The following CNTNAP4 variants were observed in gnomAD, a reference collection of about 807,000 sequenced individuals.
The protein encoded by CNTNAP4 is contactin-associated protein-like 4.
In CNTNAP4, 98 loss-of-function variants were observed where a neutral mutation model predicts 148.4. The observed-to-expected ratio is 0.66, with a 90% CI of 0.56 to 0.78. CNTNAP4 has a LOEUF of 0.78. Ranked by LOEUF, CNTNAP4 falls within the 30% of genes least tolerant of loss-of-function variation. The pLI is 0.00. For synonymous variants in CNTNAP4, 730 were observed against 565.1 expected, an observed-to-expected ratio of 1.29 and a Z score of -4.14; for missense variants, 1,935 against 1,565.6, an observed-to-expected ratio of 1.24 and a Z score of -3.98.
rs2082906464 is a variant in CNTNAP4 at position 76,508,553 on chromosome 16, T to G, written c.2365+9859T>G. On this transcript the variant is annotated intron_variant, in intron 15 of 23. Transcript: ENST00000611870. The stretch of plus-strand genomic sequence containing the variant: ...CTTTTTTTTTTTGTTCACTTTTTTA[T>G]TACCAACCAATAATTTATATGCAAG... Among the ~76,000 whole-genome samples the G allele has an allele frequency of 2.1e-5, 2 of 94,246 alleles. 1 individual carries two copies. The highest frequency in any genetic ancestry group is 5.2e-5 in the African/African-American group (2 of 38,282). The allele number at this position is 94,246 out of a possible 152,430, so 61.8% of individuals were successfully genotyped here.
At chr16:76,518,411 A>G (rs2083332402) in intron 15 of CNTNAP4, among the ~76,000 whole-genome samples, 1 of 152,204 alleles carries the variant, frequency 6.6e-6, no homozygotes, top group Non-Finnish European at 1.5e-5. Flanking sequence ...TACAGGCATG[A>G]GCCACCGTGC....
intron 15 of CNTNAP4, among the ~76,000 whole-genome samples, chr16:76,511,764 C>A (rs1300746803): frequency 1.3e-5 from 2 of 151,498 alleles, no homozygotes; most frequent in African/African-American, 4.9e-5. Context: ...CCTCTTTCCA[C>A]TTGTGGGAAA....
intron 12 of CNTNAP4, among the ~76,000 whole-genome samples, chr16:76,485,773 G>T (rs1463019353): frequency 1.3e-5 from 2 of 152,162 alleles, no homozygotes; most frequent in Non-Finnish European, 2.9e-5. Flanking sequence ...TTACTTTAGA[G>T]ATTTCAATAA....
At chr16:76,373,202 AATATATTCCACATAAATAGGTG>A (rs2015038953) in intron 3 of CNTNAP4, among the ~76,000 whole-genome samples, 1 of 151,636 alleles carries the variant, frequency 6.6e-6, no homozygotes, top group Admixed American at 6.6e-5. Context: ...TAAATAGGTG[AATATATTCCACATAAATAGGTG>A]AATATATTCC....
At chr16:76,544,024 T>A (rs1359782383) in intron 21 of CNTNAP4, among the ~76,000 whole-genome samples, 1 of 152,218 alleles carries the variant, frequency 6.6e-6, no homozygotes, top group African/African-American at 2.4e-5. Flanking sequence ...ACAGAGCTTA[T>A]GGCAGTGGGG....
At chr16:76,537,455 TGA>T (rs72348904) in intron 18 of CNTNAP4, among the ~76,000 whole-genome samples, 93,471 of 150,442 alleles carry the variant, frequency 0.62, 29,455 homozygotes, top group Middle Eastern at 0.77. Flanking sequence ...TGTGTGTGTG[TGA>T]GAGAGAGAGA....
At chr16:76,435,099 C>CAGTAGGGT (rs1349747273) in intron 4 of CNTNAP4, among the ~76,000 whole-genome samples, 3 of 152,108 alleles carry the variant, frequency 2.0e-5, no homozygotes, top group Admixed American at 6.6e-5. Flanking sequence ...CATACATTGT[C>CAGTAGGGT]AGTAGGGTAG....
Position 76,539,581 on chromosome 16 carries a change from T to C in CNTNAP4, c.3221-138T>C, listed in dbSNP as rs190250524. ...TGCAATTTCACTTGGAAACTGACTCTTGGGGATTATAAAAAGGTATCTTCC... is the reference window on the plus strand; with the variant it reads ...TGCAATTTCACTTGGAAACTGACTCCTGGGGATTATAAAAAGGTATCTTCC... On this transcript the variant is annotated intron_variant, in intron 19 of 23. Transcript: ENST00000611870. The C allele has an allele frequency of 7.1e-4, 492 of 697,764 alleles. 2 individuals are homozygous for C. Among genetic ancestry groups the C allele is most frequent in the Non-Finnish European group, 1.1e-3 (449 of 422,428 alleles). 43.2% of individuals were successfully genotyped at this position (697,764 alleles called of 1,614,324 possible).
chr16:76,301,684 G>GT (rs1959985767), intron 1 of CNTNAP4, among the ~76,000 whole-genome samples: 1 of 152,098 alleles, frequency 6.6e-6, no homozygotes, highest in South Asian at 2.1e-4. Flanking sequence ...TGTGACAAAG[G>GT]TTTTGCAAAA....
chr16:76,451,990 G>A (rs1034988215), intron 7 of CNTNAP4, among the ~76,000 whole-genome samples: 8 of 151,560 alleles, frequency 5.3e-5, no homozygotes, highest in African/African-American at 1.7e-4. Context: ...AATATCACAT[G>A]TGCCTCATAA....
chr16:76,553,472 C>T lies in CNTNAP4; in HGVS notation c.3632C>T (p.Thr1211Ile). ...ATGGCCCAGCCTGGCACTGATGCCA[C>T]ATCAAGGGAAAGGACACACTCGTTT... ...SCMAQPGTDA[T>I]SRERTHSFAD... is the part of the protein sequence containing the mutation. Residue 1211 changes from threonine (T) to isoleucine (I), a missense_variant, in exon 22 of 24, where the codon ACA (threonine) becomes ATA (isoleucine). Thr to Ile is a moderately conservative substitution (Grantham distance 89). Transcript: ENST00000611870. The T allele has an allele frequency of 6.2e-7, 1 of 1,611,952 alleles. No individual in the cohort carries two copies. The highest frequency in any genetic ancestry group is 8.5e-7 in the Non-Finnish European group (1 of 1,178,938).
At chr16:76,538,422 C>T (rs556173565) in intron 19 of CNTNAP4, 82 bp downstream of exon 19, 142 of 1,058,556 alleles carry the variant, frequency 1.3e-4, no homozygotes, top group Middle Eastern at 1.3e-3. Flanking sequence ...CGTGTTCTGG[C>T]TTCTCAAGCT....
intron 8 of CNTNAP4, among the ~76,000 whole-genome samples, chr16:76,461,610 G>A (rs1272515101): frequency 6.6e-6 from 1 of 152,086 alleles, no homozygotes; most frequent in Non-Finnish European, 1.5e-5. Context: ...CAAAGTAGCA[G>A]GTAAACCATT....
At chr16:76,463,611 G>A (rs549740024) in intron 9 of CNTNAP4, among the ~76,000 whole-genome samples, 1 of 152,196 alleles carries the variant, frequency 6.6e-6, no homozygotes, top group East Asian at 1.9e-4. Flanking sequence ...GAGAGTTCCT[G>A]CACACCCGAC....
At position 76,449,798 on chromosome 16, in the gene CNTNAP4, T is replaced by C. The variant is rs763074289; in HGVS notation, c.1011T>C (p.Tyr337=). Residue 337 remains tyrosine, a synonymous_variant, in exon 7 of 24, where the codon TAT becomes TAC. Transcript: ENST00000611870. The part of the protein sequence containing the change: ...RNFHGCLENL[Y]YNGVDIIDLA... Reference sequence around the variant, plus strand: ...TTCATGGATGTTTAGAAAATCTCTATTATAATGGAGTGGATATCATTGATT... The same window carrying C: ...TTCATGGATGTTTAGAAAATCTCTACTATAATGGAGTGGATATCATTGATT... The C allele has an allele frequency of 4.6e-5, 74 of 1,603,330 alleles. No homozygotes were observed. Among genetic ancestry groups the C allele is most frequent in the Non-Finnish European group, 5.6e-5 (66 of 1,174,606 alleles).
intron 1 of CNTNAP4, among the ~76,000 whole-genome samples, chr16:76,304,388 G>A (rs1234332806): frequency 6.6e-6 from 1 of 152,048 alleles, no homozygotes; most frequent in Non-Finnish European, 1.5e-5. Context: ...CACCACAGAA[G>A]TGCCATAATA....
At position 76,559,377 on chromosome 16, in the gene CNTNAP4, T is replaced by G. The variant is rs1166500805; in HGVS notation, c.*694T>G. 1 of 151,962 alleles carries G rather than the reference T, an allele frequency of 6.6e-6. No individual in the cohort carries two copies. The highest frequency in any genetic ancestry group is 1.9e-4 in the East Asian group (1 of 5,186). The allele number at this position is 151,962 out of a possible 1,614,324, so 9.4% of individuals were successfully genotyped here. ...ATTTAACAAGACTCAGAAAGTGCAG[T>G]GGTTGTTAGTATGTAATGTCTTTCC... On this transcript the variant is annotated 3_prime_UTR_variant, in exon 24 of 24. Transcript: ENST00000611870.
In CNTNAP4 at chr16:76,508,874, TC is replaced by T. The variant is rs1458346671; in HGVS notation, c.2365+10183del. On this transcript the variant is annotated intron_variant, in intron 15 of 23. Coordinates refer to ENST00000611870, the MANE Select transcript of CNTNAP4 (RefSeq NM_033401.5). ...TTCACGCCATTCTCCTGCCTCAGCC[TC>T]CCGAGTAGCTGGGACTACAGGCAAC... 2.2e-5 allele frequency among the ~76,000 whole-genome samples: 2 copies of T among 91,372 alleles called. 1 individual carries two copies. The highest frequency in any genetic ancestry group is 6.2e-5 in the Non-Finnish European group (2 of 32,512). 59.9% of individuals were successfully genotyped at this position (91,372 alleles called of 152,430 possible). A position where few individuals can be genotyped will look rare whatever the true frequency, so the allele number is the denominator to read the frequency against.
chr16:76,301,463 C>T (rs1481662492), intron 1 of CNTNAP4, among the ~76,000 whole-genome samples: 1 of 152,060 alleles, frequency 6.6e-6, no homozygotes, highest in African/African-American at 2.4e-5. Flanking sequence ...TAATTCAAGG[C>T]ATGGTACATA....
Sources: allele counts gnomAD v4.1 joint callset (sites outside exome capture counted in the v4.1 genomes callset), GRCh38; gene constraint gnomAD v4.1.1; transcripts MANE v1.5; gene names NCBI Gene and HGNC (gene_info 2026-07-23, HGNC 2026-07-21).